NUP214: variants seen among roughly 807,000 people sequenced by gnomAD.
NUP214 encodes nucleoporin 214, also known as nuclear pore complex protein Nup214.
A neutral mutation model predicts 196.2 loss-of-function variants in NUP214; 79 were observed. The ratio of observed to expected loss-of-function variants is 0.40; its 90% CI spans 0.34 to 0.49. The LOEUF (loss-of-function observed/expected upper bound fraction) is 0.49, where lower values mean the gene tolerates loss of function less well. Among genes scored for constraint, NUP214 ranks in the 20% least tolerant of loss-of-function variants. The pLI, the probability that NUP214 is intolerant of heterozygous loss-of-function variation, is 0.58. For synonymous variants in NUP214, 1,020 were observed against 990.5 expected, an observed-to-expected ratio of 1.03 and a Z score of -0.56; for missense variants, 2,468 against 2,539.0, an observed-to-expected ratio of 0.97 and a Z score of 0.60.
intron 8 of NUP214, 59 bp from the exon 9 acceptor site, chr9:131,135,881 G>A (rs1831710892): frequency 1.4e-6 from 2 of 1,419,544 alleles, no homozygotes; most frequent in Non-Finnish European, 2.0e-6. Context: ...TGCAGACCCA[G>A]GTTAGCTTAG....
At chr9:131,188,452 G>C (rs1317096337) in intron 25 of NUP214, among the ~76,000 whole-genome samples, 2 of 152,224 alleles carry the variant, frequency 1.3e-5, no homozygotes, top group African/African-American at 4.8e-5. Context: ...GTTTGTGTTA[G>C]AGATCAGAAT....
intron 32 of NUP214, among the ~76,000 whole-genome samples, chr9:131,227,671 G>A (rs1189442743): frequency 6.6e-6 from 1 of 152,172 alleles, no homozygotes; most frequent in Non-Finnish European, 1.5e-5. Context: ...TTTATAATTT[G>A]GGTTTCTATG....
chr9:131,139,481 A>G lies in NUP214; in HGVS notation c.1132+74A>G, dbSNP rs569520586. The G allele has an allele frequency of 3.0e-5, 47 of 1,569,916 alleles. No individual in the cohort carries two copies. The East Asian group carries it at 4.6e-4, about 15-fold the overall frequency. ...GGGTTAATATTGAAACACCAGTTAC[A>G]TGTTACTGACAGAGTCTACTCTGCT... is the stretch of plus-strand genomic sequence containing the variant. On this transcript the variant is annotated intron_variant, in intron 10 of 35. Coordinates refer to ENST00000359428, the MANE Select transcript of NUP214 (RefSeq NM_005085.4).
chr9:131,127,143 G>A (rs1468375068), intron 1 of NUP214: 1 of 156,758 alleles, frequency 6.4e-6, no homozygotes, highest in African/African-American at 2.4e-5. Flanking sequence ...TGCACTTTGG[G>A]AGGCTGAGGT....
At chr9:131,183,936 A>G (rs550481196) in intron 24 of NUP214, among the ~76,000 whole-genome samples, 1 of 151,978 alleles carries the variant, frequency 6.6e-6, no homozygotes, top group South Asian at 2.1e-4. Context: ...TTTTCAGCTT[A>G]ATCATGAAAT....
At chr9:131,231,631 C>CAA (rs1178878320) in intron 34 of NUP214, among the ~76,000 whole-genome samples, 13 of 109,806 alleles carry the variant, frequency 1.2e-4, no homozygotes, top group East Asian at 1.0e-3. Context: ...CCAGCAGACT[C>CAA]AAAAAAAAAA....
chr9:131,191,699 T>C (rs1345613198), intron 26 of NUP214: 1 of 152,246 alleles, frequency 6.6e-6, no homozygotes, highest in African/African-American at 2.4e-5. Flanking sequence ...CAGAAATGTA[T>C]ATAGAAGTAA....
At chr9:131,153,259 G>C (rs753108304) in intron 17 of NUP214, 2 of 151,924 alleles carry the variant, frequency 1.3e-5, no homozygotes, top group Non-Finnish European at 2.9e-5. Context: ...GGGTTTGCAG[G>C]TGTGATGAAT....
chr9:131,215,362 A>G lies in NUP214; in HGVS notation c.5743A>G (p.Thr1915Ala), dbSNP rs749367725. ...CAGTGGGGGCTTTGGATCCACAGCT[A>G]CCTCAAGTAAGTTGAGAAGACTTTT... ...SASGGFGSTATSNTSNLFGNS... is the reference protein window; with the variant it reads ...SASGGFGSTAASNTSNLFGNS... Residue 1915 changes from threonine to alanine, a missense_variant, in exon 31 of 36, where the codon ACC becomes GCC. By Grantham distance (58) the Thr-to-Ala change is moderately conservative (BLOSUM62 0). Around this residue, in one of 5 missense-constraint regions of NUP214, gnomAD observed 262 missense variants for 296.5 expected, o/e 0.88. Coordinates refer to ENST00000359428, the MANE Select transcript of NUP214 (RefSeq NM_005085.4). The G allele has an allele frequency of 6.3e-7, 1 of 1,593,932 alleles. No individual in the cohort carries two copies. The highest frequency in any genetic ancestry group is 1.1e-5 in the South Asian group (1 of 88,366).
At position 131,127,373 on chromosome 9, in the gene NUP214, A is replaced by G. The variant is rs530982058; in HGVS notation, c.46-151A>G. ...ACTCCAGCCTGGACGACAGAGCGAG[A>G]CTCCATCTCAAAAAAGAAAAAAAGA... is the stretch of plus-strand genomic sequence containing the variant. On this transcript the variant is annotated intron_variant, in intron 1 of 35. Coordinates refer to ENST00000359428, the MANE Select transcript of NUP214 (RefSeq NM_005085.4). 4.6e-4 allele frequency: 277 copies of G among 606,060 alleles called. 2 individuals are homozygous for G. The South Asian group carries it at 5.1e-3, about 11-fold the overall frequency. 37.5% of individuals were successfully genotyped at this position (606,060 alleles called of 1,614,324 possible). A position where few individuals can be genotyped will look rare whatever the true frequency, so the allele number is the denominator to read the frequency against.
chr9:131,162,798 A>G lies in NUP214; in HGVS notation c.2541-193A>G, dbSNP rs151255564. On this transcript the variant is annotated intron_variant, in intron 18 of 35. Transcript: ENST00000359428. ...CTGCCTGTTTCCAGCTGTTTTCTCC[A>G]CATTCCATTTTATCTTCATTAGGCT... 4.5e-4 allele frequency: 271 copies of G among 600,748 alleles called. No individual in the cohort carries two copies. In the East Asian group the frequency reaches 7.9e-3, roughly 18 times the overall value. The allele number at this position is 600,748 out of a possible 1,614,324, so 37.2% of individuals were successfully genotyped here. A position where few individuals can be genotyped will look rare whatever the true frequency, so the allele number is the denominator to read the frequency against.
rs1834147073 is a variant in NUP214 at position 131,208,551 on chromosome 9, T to C, written c.5593-6661T>C. On this transcript the variant is annotated intron_variant, in intron 30 of 35. Coordinates refer to ENST00000359428, the MANE Select transcript of NUP214 (RefSeq NM_005085.4). ...TCTCTATTAAAAATACAAAAAATTA[T>C]CCAGGCGTGGTGGCGGGTGCCTGTA... Among the ~76,000 whole-genome samples the C allele has an allele frequency of 2.6e-5, 4 of 151,438 alleles. No individual in the cohort carries two copies. The South Asian group carries it at 8.3e-4, about 32-fold the overall frequency.
chr9:131,213,355 A>T (rs1460163087), intron 30 of NUP214, among the ~76,000 whole-genome samples: 2 of 152,032 alleles, frequency 1.3e-5, no homozygotes, highest in Non-Finnish European at 2.9e-5. Context: ...TTGTATTTTT[A>T]GTAGAGACAG....
Position 131,175,442 on chromosome 9 carries a change from T to C in NUP214, c.3158-18T>C. 3.1e-6 allele frequency: 5 copies of C among 1,613,972 alleles called. No homozygotes were observed. The highest frequency in any genetic ancestry group is 1.6e-4 in the Middle Eastern group (1 of 6,062). Reference sequence around the variant, plus strand: ...TGTTCTCTCACCCACTCACACTTAATTTTTCTTTTCCTCTTAGTGGCTACA... The same window carrying C: ...TGTTCTCTCACCCACTCACACTTAACTTTTCTTTTCCTCTTAGTGGCTACA... On this transcript the variant is annotated intron_variant, in intron 22 of 35. Transcript: ENST00000359428.
In NUP214 at chr9:131,230,604, TCA is replaced by T. The variant is rs532717986; in HGVS notation, c.6075-25_6075-24del. ...CAAGTGGTGAGAGGCCCCACTGACC[TCA>T]GTCTGTTTCTCACTGGAGCGCAGGT... On this transcript the variant is annotated intron_variant, in intron 33 of 35. Coordinates refer to ENST00000359428, the MANE Select transcript of NUP214 (RefSeq NM_005085.4). 3.2e-4 allele frequency: 524 copies of T among 1,613,228 alleles called. 1 individual carries two copies. The African/African-American group carries it at 6.1e-3, about 19-fold the overall frequency.
At position 131,130,839 on chromosome 9, in the gene NUP214, A is replaced by G; in HGVS notation, c.663+3A>G. 6.2e-7 allele frequency: 1 copy of G among 1,613,546 alleles called. No homozygotes were observed. The highest frequency in any genetic ancestry group is 8.5e-7 in the Non-Finnish European group (1 of 1,179,548). On this transcript the variant is annotated splice_donor_region_variant and intron_variant, in intron 5 of 35. Transcript: ENST00000359428. ...GAACTGTGGTCCAGTATCTTCCTGT[A>G]AGTTCTTATCTTGAACTTCAGAATT... is the stretch of plus-strand genomic sequence containing the variant.
At position 131,125,725 on chromosome 9, in the gene NUP214, C is replaced by G. The variant is rs1477509286; in HGVS notation, c.21C>G (p.Ala7=). Residue 7 remains alanine (A), a synonymous_variant, in exon 1 of 36, where the codon GCC becomes GCG. Coordinates refer to ENST00000359428, the MANE Select transcript of NUP214 (RefSeq NM_005085.4). This position sits in a 1 kb window ranked among gnomAD's most constrained non-coding sequence, Gnocchi z 4.1. ...GCGCGATGGGAGACGAGATGGATGC[C>G]ATGATTCCCGAGCGGGAGATGAAGG... MGDEMD[A]MIPEREMKDF... 1 of 1,552,656 alleles carries G rather than the reference C, an allele frequency of 6.4e-7. No homozygotes were observed. The highest frequency in any genetic ancestry group is 2.0e-5 in the Admixed American group (1 of 51,116).
At chr9:131,157,687 C>A (rs1448958690) in intron 17 of NUP214, among the ~76,000 whole-genome samples, 3 of 152,058 alleles carry the variant, frequency 2.0e-5, no homozygotes, top group Non-Finnish European at 1.5e-5. Flanking sequence ...ACTCTTTCAC[C>A]CAGGTTGGAG....
At chr9:131,140,807 A>G (rs1236881887) in intron 11 of NUP214, 97 bp downstream of exon 11, 1 of 1,235,208 alleles carries the variant, frequency 8.1e-7, no homozygotes, top group Non-Finnish European at 1.1e-6. Flanking sequence ...CATAGTGATT[A>G]TCTTTACCAG....
Sources: allele counts gnomAD v4.1 joint callset (sites outside exome capture counted in the v4.1 genomes callset), GRCh38; gene constraint gnomAD v4.1.1; regional missense constraint gnomAD v4.1.1; non-coding constraint Gnocchi (gnomAD v3.1); transcripts MANE v1.5; gene names NCBI Gene and HGNC (gene_info 2026-07-23, HGNC 2026-07-21).